Variants in PBX1 observed in about 807,000 individuals in gnomAD.
PBX1 encodes pre-B-cell leukemia transcription factor 1.
A neutral mutation model predicts 53.4 loss-of-function variants in PBX1; 6 were observed. The observed-to-expected ratio is 0.11, with a 90% CI of 0.06 to 0.22. The LOEUF (loss-of-function observed/expected upper bound fraction) is 0.22, where lower values mean the gene tolerates loss of function less well. Ranked by LOEUF, PBX1 falls within the 10% of genes least tolerant of loss-of-function variation. The pLI, the probability that PBX1 is intolerant of heterozygous loss-of-function variation, is 1.00. For synonymous variants in PBX1, 204 were observed against 212.3 expected (o/e 0.96, Z 0.34); for missense variants, 251 against 551.4 (o/e 0.46, Z 5.46).
chr1:164,848,869 A>G lies in PBX1; in HGVS notation c.*2193A>G, dbSNP rs1671695194. ...GGGAGCAGGGGATGCCACTGAAGAA[A>G]CTCAAGGGAATGTGTATTTGAAGGA... On this transcript the variant is annotated 3_prime_UTR_variant, in exon 9 of 9. Transcript: ENST00000420696. 1 of 1,066,308 alleles carries G rather than the reference A, an allele frequency of 9.4e-7. No individual in the cohort carries two copies. Among genetic ancestry groups the G allele is most frequent in the African/African-American group, 1.6e-5 (1 of 61,060 alleles). 66.1% of individuals were successfully genotyped at this position (1,066,308 alleles called of 1,614,324 possible). A position where few individuals can be genotyped will look rare whatever the true frequency, so the allele number is the denominator to read the frequency against.
At chr1:164,780,920 C>T (rs765248587) in intron 2 of PBX1, among the ~76,000 whole-genome samples, 10 of 152,198 alleles carry the variant, frequency 6.6e-5, no homozygotes, top group Non-Finnish European at 1.3e-4. Flanking sequence ...TCTTCCCTGT[C>T]AGTTAAAGGC....
intron 2 of PBX1, among the ~76,000 whole-genome samples, chr1:164,755,661 CAA>C (rs1666473297): frequency 6.6e-6 from 1 of 151,878 alleles, no homozygotes. Flanking sequence ...TAAAGTGAAA[CAA>C]AAGACAGTGT....
At chr1:164,740,001 G>A (rs1429228506) in intron 2 of PBX1, among the ~76,000 whole-genome samples, 1 of 152,138 alleles carries the variant, frequency 6.6e-6, no homozygotes, top group Non-Finnish European at 1.5e-5. Flanking sequence ...GGAAGATATG[G>A]TAGCAACTAG....
chr1:164,571,276 A>G (rs1302052396), intron 2 of PBX1, among the ~76,000 whole-genome samples: 1 of 152,150 alleles, frequency 6.6e-6, no homozygotes, highest in Non-Finnish European at 1.5e-5. Flanking sequence ...TCACAATCTA[A>G]TTTTAGAACA....
chr1:164,597,876 G>A (rs150729679), intron 2 of PBX1, among the ~76,000 whole-genome samples: 1 of 151,916 alleles, frequency 6.6e-6, no homozygotes, highest in Non-Finnish European at 1.5e-5. Context: ...TACATTTCTG[G>A]AGAGTTCCCC....
rs1553240571 is a variant in PBX1, at chr1:164,752,206, T to TTCTG, written c.266-40287_266-40286insCTGT. Among the ~76,000 whole-genome samples, 169 of 143,126 alleles carry TTCTG rather than the reference T, an allele frequency of 1.2e-3. 1 individual carries two copies. The highest frequency in any genetic ancestry group is 4.1e-3 in the African/African-American group (157 of 38,688). 93.9% of individuals were successfully genotyped at this position (143,126 alleles called of 152,430 possible). On this transcript the variant is annotated intron_variant, in intron 2 of 8. Coordinates refer to ENST00000420696, the MANE Select transcript of PBX1 (RefSeq NM_002585.4). Reference sequence around the variant, plus strand: ...TGTCCATTTAGACCCCTTTAAGGTTTTGTGTGTGTGTGTGTGTGTGTGTGT... The same window carrying TTCTG: ...TGTCCATTTAGACCCCTTTAAGGTTTTCTGTGTGTGTGTGTGTGTGTGTGTGTGT...
chr1:164,666,016 A>G (rs1198614257), intron 2 of PBX1, among the ~76,000 whole-genome samples: 2 of 152,224 alleles, frequency 1.3e-5, no homozygotes. Context: ...TTAGGCAGCC[A>G]TAAAATTTTC....
chr1:164,586,867 A>C (rs538121947), intron 2 of PBX1, among the ~76,000 whole-genome samples: 126 of 152,224 alleles, frequency 8.3e-4, no homozygotes, highest in African/African-American at 2.9e-3. Flanking sequence ...GTGAGTCGAG[A>C]CCATTATCCG....
intron 2 of PBX1, among the ~76,000 whole-genome samples, chr1:164,617,518 G>A (rs1021839225): frequency 3.3e-5 from 5 of 152,212 alleles, no homozygotes; most frequent in African/African-American, 9.6e-5. Context: ...GTGAGGAAGC[G>A]TTGTATTGCC....
chr1:164,860,148 A>G (rs1672064977), intron 2 of PBX1, among the ~76,000 whole-genome samples: 1 of 152,198 alleles, frequency 6.6e-6, no homozygotes, highest in Non-Finnish European at 1.5e-5. Flanking sequence ...CCTCACACCC[A>G]GAAGCAGTGG....
intron 2 of PBX1, among the ~76,000 whole-genome samples, chr1:164,763,009 T>G (rs1436391593): frequency 6.6e-6 from 1 of 152,224 alleles, no homozygotes; most frequent in African/African-American, 2.4e-5. Context: ...TCGATTTTGA[T>G]ATCATGATAA....
At chr1:164,763,187 G>A (rs1666895290) in intron 2 of PBX1, among the ~76,000 whole-genome samples, 1 of 152,174 alleles carries the variant, frequency 6.6e-6, no homozygotes, top group Admixed American at 6.5e-5. Flanking sequence ...TAGGAAGTAA[G>A]ATATAAGCAG....
In PBX1 at chr1:164,559,873, C is replaced by G. The variant is rs1057295149; in HGVS notation, c.51C>G (p.Ala17=). Reference sequence around the variant, plus strand: ...ATTCCCATGCTGGGGTCGGGATGGCCGGACACCCCGGCCTGTCCCAGCACT... The same window carrying G: ...ATTCCCATGCTGGGGTCGGGATGGCGGGACACCCCGGCCTGTCCCAGCACT... ...LMHSHAGVGM[A]GHPGLSQHLQ... Residue 17 remains alanine (A), a synonymous_variant, in exon 1 of 9, where the codon GCC becomes GCG. Coordinates refer to ENST00000420696, the MANE Select transcript of PBX1 (RefSeq NM_002585.4). The G allele has an allele frequency of 1.7e-5, 26 of 1,549,992 alleles. No homozygotes were observed. The highest frequency in any genetic ancestry group is 1.8e-4 in the Middle Eastern group (1 of 5,600).
chr1:164,802,683 A>C (rs2102326262), intron 4 of PBX1, among the ~76,000 whole-genome samples: 1 of 152,238 alleles, frequency 6.6e-6, no homozygotes, highest in African/African-American at 2.4e-5. Context: ...TCGGCCCTTT[A>C]TGCCACTCAA....
intron 2 of PBX1, among the ~76,000 whole-genome samples, chr1:164,754,449 T>C (rs1260638906): frequency 6.6e-6 from 1 of 152,212 alleles, no homozygotes; most frequent in African/African-American, 2.4e-5. Context: ...AATATTCAGC[T>C]GTTATTAATT....
chr1:164,806,045 G>A (rs1201493400), intron 4 of PBX1, among the ~76,000 whole-genome samples: 1 of 152,100 alleles, frequency 6.6e-6, no homozygotes, highest in South Asian at 2.1e-4. Flanking sequence ...CTATATCCTG[G>A]TATAATCAGG....
At chr1:164,681,420 T>G (rs1228774922) in intron 2 of PBX1, among the ~76,000 whole-genome samples, 1 of 152,110 alleles carries the variant, frequency 6.6e-6, no homozygotes, top group African/African-American at 2.4e-5. Context: ...GAAAAATGAG[T>G]TGAAAAACTA....
rs386368555 is a variant in PBX1, at chr1:164,691,011, C to CTTTT, written c.266-101465_266-101462dup. On this transcript the variant is annotated intron_variant, in intron 2 of 8. Transcript: ENST00000420696. ...GTAAAGTGATCAAGAGTTGTTAAATCTTTTTTTTTTTTTTTTTTTTTGTGA... is the reference window on the plus strand; with the variant it reads ...GTAAAGTGATCAAGAGTTGTTAAATCTTTTTTTTTTTTTTTTTTTTTTTTTGTGA... 8.1e-3 allele frequency among the ~76,000 whole-genome samples: 858 copies of CTTTT among 106,268 alleles called. 4 individuals carry two copies. The highest frequency in any genetic ancestry group is 0.011 in the Non-Finnish European group (629 of 54,856). 69.7% of individuals were successfully genotyped at this position (106,268 alleles called of 152,430 possible). A position where few individuals can be genotyped will look rare whatever the true frequency, so the allele number is the denominator to read the frequency against.
intron 2 of PBX1, among the ~76,000 whole-genome samples, chr1:164,564,252 A>T (rs1046894921): frequency 1.3e-5 from 2 of 152,170 alleles, no homozygotes; most frequent in African/African-American, 2.4e-5. Flanking sequence ...AAAGTACCTG[A>T]CATCCTATTT....
Sources: gnomAD v4.1 joint callset for allele counts (sites outside exome capture counted in the v4.1 genomes callset) on GRCh38, gnomAD v4.1.1 for gene constraint, MANE v1.5 for transcripts, NCBI Gene and HGNC (gene_info 2026-07-23, HGNC 2026-07-21) for gene names.